SDCCAG8: variants seen among roughly 807,000 people sequenced by gnomAD.
SDCCAG8 encodes SHH signaling and ciliogenesis regulator SDCCAG8, also known as serologically defined colon cancer antigen 8.
In SDCCAG8, 74 loss-of-function variants were observed where a neutral mutation model predicts 101.8. That is an observed-to-expected ratio of 0.73 (90% CI 0.60 to 0.88). SDCCAG8 has a LOEUF of 0.88. Among genes scored for constraint, SDCCAG8 ranks in the 40% least tolerant of loss-of-function variants. The pLI is 0.00. For synonymous variants in SDCCAG8, 281 were observed against 292.9 expected (o/e 0.96, Z 0.41); for missense variants, 787 against 822.6 (o/e 0.96, Z 0.53).
chr1:243,452,409 C>CTTTTTTTTTT (rs1558489172), intron 16 of SDCCAG8, among the ~76,000 whole-genome samples: 1 of 121,034 alleles, frequency 8.3e-6, no homozygotes. Flanking sequence ...GAGATGATCT[C>CTTTTTTTTTT]ATCTCTTTTT....
At chr1:243,333,952 A>G (rs2074811610) in intron 10 of SDCCAG8, among the ~76,000 whole-genome samples, 1 of 152,170 alleles carries the variant, frequency 6.6e-6, no homozygotes, top group South Asian at 2.1e-4. Flanking sequence ...CTTCAAGACT[A>G]AAGCTATTTG....
intron 16 of SDCCAG8, among the ~76,000 whole-genome samples, chr1:243,482,012 A>T (rs1349069893): frequency 6.6e-6 from 1 of 152,208 alleles, no homozygotes; most frequent in African/African-American, 2.4e-5. Context: ...TCATTTGGTT[A>T]TTATACCTCA....
At chr1:243,292,519 T>G (rs2070376724) in intron 5 of SDCCAG8, among the ~76,000 whole-genome samples, 1 of 152,184 alleles carries the variant, frequency 6.6e-6, no homozygotes, top group African/African-American at 2.4e-5. Flanking sequence ...GGATTCAGAT[T>G]GACAGGTTTC....
At chr1:243,347,615 T>G (rs965863088) in intron 12 of SDCCAG8, among the ~76,000 whole-genome samples, 1 of 152,218 alleles carries the variant, frequency 6.6e-6, no homozygotes, top group African/African-American at 2.4e-5. Flanking sequence ...CAGCAAAGTA[T>G]GTGAAGGAAA....
chr1:243,467,783 G>T (rs963671933), intron 16 of SDCCAG8, among the ~76,000 whole-genome samples: 1 of 152,100 alleles, frequency 6.6e-6, no homozygotes. Context: ...GCATTGAAAC[G>T]CATGTCACGT....
chr1:243,293,665 A>G (rs149045404), intron 6 of SDCCAG8, among the ~76,000 whole-genome samples: 1 of 152,316 alleles, frequency 6.6e-6, no homozygotes, highest in African/African-American at 2.4e-5. Flanking sequence ...TATGTTACCA[A>G]ACTTTATCCA....
intron 12 of SDCCAG8, among the ~76,000 whole-genome samples, chr1:243,375,545 C>T (rs1483925302): frequency 1.3e-5 from 2 of 152,164 alleles, no homozygotes; most frequent in African/African-American, 2.4e-5. Context: ...ACAGTTTCTA[C>T]TTTGAGTTGT....
intron 6 of SDCCAG8, among the ~76,000 whole-genome samples, chr1:243,304,393 A>G (rs1055275004): frequency 6.6e-6 from 1 of 152,248 alleles, no homozygotes; most frequent in Non-Finnish European, 1.5e-5. Flanking sequence ...GAAGGATTCT[A>G]ATAAGATTTG....
At chr1:243,260,383 C>T (rs979706659) in intron 1 of SDCCAG8, among the ~76,000 whole-genome samples, 2 of 152,162 alleles carry the variant, frequency 1.3e-5, no homozygotes, top group African/African-American at 4.8e-5. Context: ...TGGCCGAGAA[C>T]TACATTTGTA....
intron 13 of SDCCAG8, among the ~76,000 whole-genome samples, chr1:243,400,268 T>A (rs2079293574): frequency 1.3e-5 from 2 of 152,212 alleles, no homozygotes; most frequent in Non-Finnish European, 2.9e-5. Flanking sequence ...TATGGAAGCT[T>A]TTCTATCAAA....
chr1:243,309,887 C>T (rs144024343), intron 8 of SDCCAG8, among the ~76,000 whole-genome samples: 3,000 of 151,922 alleles, frequency 0.02, 43 homozygotes, highest in Non-Finnish European at 0.029. Flanking sequence ...TTTTTTGAGA[C>T]GGAGTCTCTC....
chr1:243,496,445 T>C (rs923235983), intron 17 of SDCCAG8, among the ~76,000 whole-genome samples: 6 of 152,214 alleles, frequency 3.9e-5, no homozygotes, highest in Non-Finnish European at 8.8e-5. Flanking sequence ...GCCTGCCCTC[T>C]CCAGTTACAA....
chr1:243,450,726 T>G lies in SDCCAG8; in HGVS notation c.1985+24168T>G, dbSNP rs531018199. The stretch of plus-strand genomic sequence containing the variant: ...AGGCTGGGAGTACAGTGGTGCCATC[T>G]CAGCTCACTGCAACCTCTGCCTCTC... On this transcript the variant is annotated intron_variant, in intron 16 of 17. Transcript: ENST00000366541. 1.4e-3 allele frequency among the ~76,000 whole-genome samples: 207 copies of G among 152,316 alleles called. 5 individuals are homozygous for G. Among genetic ancestry groups the G allele is most frequent in the Admixed American group, 0.013 (204 of 15,296 alleles).
At chr1:243,471,182 G>A (rs560441266) in intron 16 of SDCCAG8, among the ~76,000 whole-genome samples, 2 of 152,066 alleles carry the variant, frequency 1.3e-5, no homozygotes, top group Non-Finnish European at 2.9e-5. Context: ...TAGCAGAGTC[G>A]GGATGGGAAG....
chr1:243,494,509 C>T (rs567488140), intron 17 of SDCCAG8, among the ~76,000 whole-genome samples: 17 of 152,332 alleles, frequency 1.1e-4, no homozygotes, highest in South Asian at 1.0e-3. Flanking sequence ...TCGCGACCTT[C>T]GGAGAAACTT....
intron 8 of SDCCAG8, among the ~76,000 whole-genome samples, chr1:243,316,169 A>T (rs1236699251): frequency 6.6e-6 from 1 of 152,216 alleles, no homozygotes; most frequent in African/African-American, 2.4e-5. Flanking sequence ...TTAAATTGTG[A>T]ATGTTATATG....
chr1:243,420,040 G>A (rs1023711002), intron 15 of SDCCAG8, among the ~76,000 whole-genome samples: 6 of 152,194 alleles, frequency 3.9e-5, no homozygotes, highest in African/African-American at 1.2e-4. Context: ...AATGATGAAT[G>A]AATGAAACAA....
In SDCCAG8 at chr1:243,271,100, T is replaced by G; in HGVS notation, c.306+37T>G. ...CTTTTCCAAGTTGACAAAGCATTCC[T>G]GTGTTTTACTGTATTGTGTTATTTT... On this transcript the variant is annotated intron_variant, in intron 3 of 17. Coordinates refer to ENST00000366541, the MANE Select transcript of SDCCAG8 (RefSeq NM_006642.5). The G allele has an allele frequency of 2.2e-6, 3 of 1,380,100 alleles. No homozygotes were observed. In the South Asian group the frequency reaches 3.5e-5, roughly 16 times the overall value. 85.5% of individuals were successfully genotyped at this position (1,380,100 alleles called of 1,614,324 possible). A position where few individuals can be genotyped will look rare whatever the true frequency, so the allele number is the denominator to read the frequency against.
intron 12 of SDCCAG8, among the ~76,000 whole-genome samples, chr1:243,346,856 C>T (rs2075743267): frequency 6.6e-6 from 1 of 151,980 alleles, no homozygotes; most frequent in South Asian, 2.1e-4. Context: ...TTTTTTTAGG[C>T]AATGGTTATA....
Sources: gnomAD v4.1 joint callset for allele counts (sites outside exome capture counted in the v4.1 genomes callset) on GRCh38, gnomAD v4.1.1 for gene constraint, MANE v1.5 for transcripts, NCBI Gene and HGNC (gene_info 2026-07-23, HGNC 2026-07-21) for gene names.